CDH10: variants seen among roughly 807,000 people sequenced by gnomAD.
The protein encoded by CDH10 is cadherin-10.
CDH10 carries 30 observed loss-of-function variants against 73.1 expected under a neutral mutation model. The ratio of observed to expected loss-of-function variants is 0.41; its 90% CI spans 0.31 to 0.56. CDH10 has a LOEUF of 0.56. CDH10 is among the 20% of genes least tolerant of loss of function. CDH10 has a pLI of 0.27. For missense variants in CDH10, 815 were observed against 973.7 expected (o/e 0.84, Z 2.17); for synonymous variants, 345 against 348.2 (o/e 0.99, Z 0.10).
intron 2 of CDH10, among the ~76,000 whole-genome samples, chr5:24,559,107 T>C (rs1744868038): frequency 2.7e-5 from 3 of 113,064 alleles, no homozygotes; most frequent in Non-Finnish European, 3.7e-5. Context: ...ATTGGATCCC[T>C]TATTTTGTTT....
rs1277922587 is a variant in CDH10 at position 24,554,100 on chromosome 5, G to GA, written c.232-16427_232-16426insT. The GA allele has an allele frequency of 2.4e-3, 144 of 59,796 alleles. 5 individuals are homozygous for GA. The highest frequency in any genetic ancestry group is 2.9e-3 in the Non-Finnish European group (84 of 29,278). 3.7% of individuals were successfully genotyped at this position (59,796 alleles called of 1,614,324 possible). A position where few individuals can be genotyped will look rare whatever the true frequency, so the allele number is the denominator to read the frequency against. ...AGAGGAGAGACAGAGAGAGAGAGAA[G>GA]GGGAGGTGGGCGGGGGGGGGAGAGA... is the stretch of plus-strand genomic sequence containing the variant. On this transcript the variant is annotated intron_variant, in intron 2 of 11. Transcript: ENST00000264463.
intron 5 of CDH10, among the ~76,000 whole-genome samples, chr5:24,529,973 G>A (rs1285418519): frequency 6.8e-6 from 1 of 146,934 alleles, no homozygotes; most frequent in Admixed American, 6.8e-5. Context: ...GTGATGGGAT[G>A]TATGGAAAAG....
At chr5:24,622,164 T>C (rs931889168) in intron 1 of CDH10, among the ~76,000 whole-genome samples, 1 of 152,142 alleles carries the variant, frequency 6.6e-6, no homozygotes, top group African/African-American at 2.4e-5. Context: ...GCTACTCAAT[T>C]CAGTTAGAAC....
intron 5 of CDH10, among the ~76,000 whole-genome samples, chr5:24,529,304 T>G (rs1453327072): frequency 6.6e-6 from 1 of 151,978 alleles, no homozygotes; most frequent in Non-Finnish European, 1.5e-5. Context: ...CAGTTGCTTC[T>G]GAATTGGTTG....
At chr5:24,493,011 T>C in intron 9 of CDH10, 86 bp from the exon 10 acceptor site, 1 of 657,168 alleles carries the variant, frequency 1.5e-6, no homozygotes, top group Non-Finnish European at 2.8e-6. Context: ...TTGTCTGAAG[T>C]TGTTCAAAAT....
intron 7 of CDH10, among the ~76,000 whole-genome samples, chr5:24,505,791 T>C (rs1579730432): frequency 1.3e-5 from 2 of 152,202 alleles, no homozygotes; most frequent in African/African-American, 2.4e-5. Context: ...ATTACACATA[T>C]TGCTTTTAAC....
At chr5:24,504,574 G>A (rs187813448) in intron 8 of CDH10, among the ~76,000 whole-genome samples, 1,439 of 134,032 alleles carry the variant, frequency 0.011, 20 homozygotes, top group African/African-American at 0.038. Context: ...CGCCCGGGCT[G>A]GAGTGCAGTG....
intron 1 of CDH10, among the ~76,000 whole-genome samples, chr5:24,635,967 T>C (rs186218265): frequency 9.5e-4 from 145 of 152,050 alleles, no homozygotes; most frequent in Non-Finnish European, 1.6e-3. Context: ...AAGTACAAAA[T>C]TATTACATAA....
At chr5:24,606,632 C>CA (rs1300766047) in intron 1 of CDH10, among the ~76,000 whole-genome samples, 7 of 150,862 alleles carry the variant, frequency 4.6e-5, no homozygotes, top group South Asian at 4.2e-4. Context: ...AACAAACAAA[C>CA]AAAAAAAAGA....
chr5:24,625,508 G>C (rs1252649663), intron 1 of CDH10, among the ~76,000 whole-genome samples: 1 of 148,732 alleles, frequency 6.7e-6, no homozygotes, highest in Non-Finnish European at 1.5e-5. Context: ...TTTAAATTTA[G>C]ATGCGAGATC....
At chr5:24,542,395 C>T (rs1009259698) in intron 2 of CDH10, among the ~76,000 whole-genome samples, 10 of 152,076 alleles carry the variant, frequency 6.6e-5, no homozygotes, top group Non-Finnish European at 1.0e-4. Context: ...GTTTATAATA[C>T]TGTATTTTTA....
At chr5:24,559,051 T>TTTA (rs1744866758) in intron 2 of CDH10, among the ~76,000 whole-genome samples, 1 of 151,868 alleles carries the variant, frequency 6.6e-6, no homozygotes. Flanking sequence ...AATTATTTGT[T>TTTA]TTAACTTGTT....
chr5:24,585,437 A>T (rs554640104), intron 2 of CDH10, among the ~76,000 whole-genome samples: 1 of 151,948 alleles, frequency 6.6e-6, no homozygotes, highest in Non-Finnish European at 1.5e-5. Context: ...AACAACAACA[A>T]CAACAACGGA....
intron 2 of CDH10, among the ~76,000 whole-genome samples, chr5:24,556,949 A>C (rs959682699): frequency 1.4e-5 from 2 of 147,888 alleles, no homozygotes; most frequent in Non-Finnish European, 3.0e-5. Context: ...AACCAAATAA[A>C]ATTTAATCTG....
In CDH10 at chr5:24,528,478, T is replaced by C. The variant is rs142712939; in HGVS notation, c.814+6634A>G. On this transcript the variant is annotated intron_variant, in intron 5 of 11. Transcript: ENST00000264463. ...CTCTTGTACCAGGCAGGGATTATGA[T>C]AGTCTCACAGCTCACTGAACGTACG... Among the ~76,000 whole-genome samples the C allele has an allele frequency of 2.2e-3, 341 of 152,040 alleles. 1 individual carries two copies. Among genetic ancestry groups the C allele is most frequent in the African/African-American group, 7.8e-3 (324 of 41,556 alleles).
chr5:24,535,904 G>T, intron 3 of CDH10, 82 bp from the exon 4 acceptor site: 1 of 1,014,006 alleles, frequency 9.9e-7, no homozygotes, highest in Non-Finnish European at 1.4e-6. Flanking sequence ...AGACTTGAAT[G>T]ATTTCTGGCT....
intron 1 of CDH10, among the ~76,000 whole-genome samples, chr5:24,634,518 G>GA (rs906593595): frequency 2.7e-5 from 4 of 150,792 alleles, no homozygotes; most frequent in African/African-American, 4.8e-5. Context: ...GTGAAGTTGT[G>GA]AAAAAAAACA....
At chr5:24,619,501 A>G (rs1481438501) in intron 1 of CDH10, among the ~76,000 whole-genome samples, 3 of 152,062 alleles carry the variant, frequency 2.0e-5, no homozygotes, top group Non-Finnish European at 4.4e-5. Context: ...CCTGATTTAG[A>G]TGATATTTAG....
intron 2 of CDH10, among the ~76,000 whole-genome samples, chr5:24,556,196 A>T (rs1744762878): frequency 6.6e-6 from 1 of 152,140 alleles, no homozygotes; most frequent in Non-Finnish European, 1.5e-5. Flanking sequence ...TATAGCCATT[A>T]TGGAAACCCA....
Sources: allele counts gnomAD v4.1 joint callset (sites outside exome capture counted in the v4.1 genomes callset), GRCh38; gene constraint gnomAD v4.1.1; transcripts MANE v1.5; gene names NCBI Gene and HGNC (gene_info 2026-07-23, HGNC 2026-07-21).